PIEZO2: variants seen among roughly 807,000 people sequenced by gnomAD.
The protein encoded by PIEZO2 is piezo-type mechanosensitive ion channel component 2.
In PIEZO2, 172 loss-of-function variants were observed where a neutral mutation model predicts 337.3. That is an observed-to-expected ratio of 0.51 (90% CI 0.45 to 0.58). The LOEUF is 0.58. PIEZO2 is among the 20% of genes least tolerant of loss of function. The probability of loss-of-function intolerance (pLI) is 0.00; values close to 1 mark genes in which losing one functional copy is unlikely to be tolerated. For missense variants in PIEZO2, 3,028 were observed against 3,391.3 expected, an observed-to-expected ratio of 0.89 and a Z score of 2.66; for synonymous variants, 1,251 against 1,228.5, an observed-to-expected ratio of 1.02 and a Z score of -0.38.
At position 10,699,137 on chromosome 18, in the gene PIEZO2, C is replaced by A; in HGVS notation, c.6482G>T (p.Gly2161Val). The change falls in exon 44 of 56, where the codon GGC becomes GTC. Residue 2161 changes from glycine (G) to valine (V), a missense_variant. Transcript: ENST00000674853. ...LWDEDDMTES[G>V]MAREESDDEL... Reference sequence around the variant, plus strand: ...ATCATCTGATTCCTCCCTGGCCATGCCACTTTCAGTCATGTCATCTTCATC... The same window carrying A: ...ATCATCTGATTCCTCCCTGGCCATGACACTTTCAGTCATGTCATCTTCATC... 1 of 1,537,244 alleles carries A rather than the reference C, an allele frequency of 6.5e-7. No homozygotes were observed. Among genetic ancestry groups the A allele is most frequent in the Non-Finnish European group, 8.7e-7 (1 of 1,146,908 alleles).
chr18:11,136,660 A>G (rs2146262960), intron 1 of PIEZO2, among the ~76,000 whole-genome samples: 2 of 152,326 alleles, frequency 1.3e-5, no homozygotes, highest in East Asian at 3.9e-4. Context: ...GAGGAAGGAG[A>G]GGGGGTTGAA....
intron 7 of PIEZO2, among the ~76,000 whole-genome samples, chr18:10,816,193 T>C (rs548078355): frequency 3.6e-4 from 55 of 152,256 alleles, no homozygotes; most frequent in Middle Eastern, 6.8e-3. Context: ...CAGACCCACC[T>C]CCCATGCTGT....
intron 4 of PIEZO2, among the ~76,000 whole-genome samples, chr18:10,884,161 T>A (rs763758325): frequency 6.6e-6 from 1 of 152,200 alleles, no homozygotes; most frequent in Non-Finnish European, 1.5e-5. Flanking sequence ...CGTGATGATG[T>A]GATATTTGTC....
Position 11,048,883 on chromosome 18 carries a change from T to C in PIEZO2, c.160+17244A>G, listed in dbSNP as rs1166259073. Reference sequence around the variant, plus strand: ...ATCTGCACTTTTTGAAAGTTAAATATAAATTTTCATCTCAAAAGGCTATTT... The same window carrying C: ...ATCTGCACTTTTTGAAAGTTAAATACAAATTTTCATCTCAAAAGGCTATTT... On this transcript the variant is annotated intron_variant, in intron 2 of 55. Coordinates refer to ENST00000674853, the MANE Select transcript of PIEZO2 (RefSeq NM_001378183.1). This position sits in a 1 kb window ranked among gnomAD's most constrained non-coding sequence, Gnocchi z 4.5. Among the ~76,000 whole-genome samples the C allele has an allele frequency of 6.6e-6, 1 of 152,204 alleles. No homozygotes were observed. Among genetic ancestry groups the C allele is most frequent in the African/African-American group, 2.4e-5 (1 of 41,466 alleles).
In PIEZO2 at chr18:10,673,649, A is replaced by G. The variant is rs922266004; in HGVS notation, c.8162-776T>C. Among the ~76,000 whole-genome samples, 6 of 152,206 alleles carry G rather than the reference A, an allele frequency of 3.9e-5. No homozygotes were observed. Among genetic ancestry groups the G allele is most frequent in the Non-Finnish European group, 8.8e-5 (6 of 68,030 alleles). On this transcript the variant is annotated intron_variant, in intron 54 of 55. Transcript: ENST00000674853. The surrounding 1 kb of genome is among the most constrained non-coding windows in gnomAD (Gnocchi z 4.8). ...CAAAAGAGTTGTAAAAGATAGGGTA[A>G]AAAGCTTGTAGTGACATTGTATAGG...
At position 10,682,650 on chromosome 18, in the gene PIEZO2, A is replaced by T. The variant is rs2034318398; in HGVS notation, c.7498-358T>A. 6.6e-6 allele frequency among the ~76,000 whole-genome samples: 1 copy of T among 152,188 alleles called. No homozygotes were observed. The highest frequency in any genetic ancestry group is 1.5e-5 in the Non-Finnish European group (1 of 68,046). On this transcript the variant is annotated intron_variant, in intron 49 of 55. Transcript: ENST00000674853. This position sits in a 1 kb window ranked among gnomAD's most constrained non-coding sequence, Gnocchi z 5.6. The stretch of plus-strand genomic sequence containing the variant: ...ATGAACCTTCTGGTTTTAAGGGATT[A>T]TGTGAGAGAAAGATACTTTACTTTC...
intron 53 of PIEZO2, among the ~76,000 whole-genome samples, chr18:10,675,739 G>T (rs1380912585): frequency 6.6e-6 from 1 of 152,100 alleles, no homozygotes; most frequent in Non-Finnish European, 1.5e-5. Context: ...TGTAGCTCCC[G>T]TAATCCCCAC....
At chr18:10,818,973 T>C (rs1217293748) in intron 7 of PIEZO2, among the ~76,000 whole-genome samples, 1 of 152,218 alleles carries the variant, frequency 6.6e-6, no homozygotes, top group Non-Finnish European at 1.5e-5. Flanking sequence ...GTAAGTCTAT[T>C]GGCCATTTAT....
At chr18:10,734,774 A>G (rs1236459552) in intron 35 of PIEZO2, among the ~76,000 whole-genome samples, 1 of 152,198 alleles carries the variant, frequency 6.6e-6, no homozygotes. Flanking sequence ...CCGAGTGCAG[A>G]AACTGGAAGA....
chr18:11,106,614 A>G lies in PIEZO2; in HGVS notation c.65-40392T>C, dbSNP rs28695753. Among the ~76,000 whole-genome samples the G allele has an allele frequency of 1.7e-3, 252 of 151,622 alleles. 1 individual carries two copies. Among genetic ancestry groups the G allele is most frequent in the African/African-American group, 5.8e-3 (239 of 41,284 alleles). On this transcript the variant is annotated intron_variant, in intron 1 of 55. Coordinates refer to ENST00000674853, the MANE Select transcript of PIEZO2 (RefSeq NM_001378183.1). ...TTTTTAGTAAAGAAGAGGTCTCATTATGGTGCCCAGGCTGATCTCCAACTC... is the reference window on the plus strand; with the variant it reads ...TTTTTAGTAAAGAAGAGGTCTCATTGTGGTGCCCAGGCTGATCTCCAACTC...
intron 1 of PIEZO2, among the ~76,000 whole-genome samples, chr18:11,101,000 C>T (rs2039405631): frequency 6.6e-6 from 1 of 152,166 alleles, no homozygotes; most frequent in Non-Finnish European, 1.5e-5. Context: ...ATAGTTAACT[C>T]AAGGAATTCA....
At chr18:10,999,284 T>G (rs771285262) in intron 2 of PIEZO2, among the ~76,000 whole-genome samples, 10 of 152,132 alleles carry the variant, frequency 6.6e-5, no homozygotes, top group Non-Finnish European at 1.3e-4. Flanking sequence ...CTTCTTCAGC[T>G]CACCTCCAAG....
At chr18:10,710,613 TC>T (rs1252240629) in intron 39 of PIEZO2, among the ~76,000 whole-genome samples, 2 of 152,212 alleles carry the variant, frequency 1.3e-5, no homozygotes, top group African/African-American at 4.8e-5. Context: ...CTTGTTAGGA[TC>T]CCACCCAGAC....
intron 2 of PIEZO2, among the ~76,000 whole-genome samples, chr18:11,051,370 G>GTGTGTGTGTGTGTGT (rs1568330522): frequency 7.2e-5 from 7 of 97,316 alleles, no homozygotes; most frequent in East Asian, 4.4e-4. Context: ...TGTGTGTGTG[G>GTGTGTGTGTGTGTGT]GTGTGGGTGT....
At position 10,707,278 on chromosome 18, in the gene PIEZO2, C is replaced by T. The variant is rs899352169; in HGVS notation, c.5588+997G>A. Among the ~76,000 whole-genome samples, 2 of 152,182 alleles carry T rather than the reference C, an allele frequency of 1.3e-5. No homozygotes were observed. The highest frequency in any genetic ancestry group is 2.9e-5 in the Non-Finnish European group (2 of 68,034). ...CTGTCATCAGTCCTAATCATGCTCC[C>T]TTTGGTTTGGATCTCTTGTAGCACC... is the stretch of plus-strand genomic sequence containing the variant. On this transcript the variant is annotated intron_variant, in intron 40 of 55. Coordinates refer to ENST00000674853, the MANE Select transcript of PIEZO2 (RefSeq NM_001378183.1). This position sits in a 1 kb window ranked among gnomAD's most constrained non-coding sequence, Gnocchi z 4.2.
intron 37 of PIEZO2, among the ~76,000 whole-genome samples, chr18:10,717,525 G>A (rs909692600): frequency 1.3e-5 from 2 of 152,236 alleles, no homozygotes; most frequent in African/African-American, 4.8e-5. Flanking sequence ...CAAAGCAGAC[G>A]AAGAAATGGC....
chr18:10,755,277 A>G (rs559912407), intron 27 of PIEZO2, among the ~76,000 whole-genome samples: 2 of 152,288 alleles, frequency 1.3e-5, no homozygotes, highest in African/African-American at 2.4e-5. Context: ...TCAGTGACCT[A>G]TCTCCACATG....
intron 1 of PIEZO2, among the ~76,000 whole-genome samples, chr18:11,075,906 A>G (rs1410982669): frequency 6.8e-6 from 1 of 148,088 alleles, no homozygotes; most frequent in Non-Finnish European, 1.5e-5. Flanking sequence ...CTCCTGCCTC[A>G]GCCTCCCGAG....
rs572929581 is a variant in PIEZO2 at position 11,112,507 on chromosome 18, C to T, written c.64+36018G>A. ...CTGAGAGTCAAGTCTCCAAATTTTA[C>T]ACTGACTGATGAGTCTTCTGTACAT... On this transcript the variant is annotated intron_variant, in intron 1 of 55. Transcript: ENST00000674853. The surrounding 1 kb of genome is among the most constrained non-coding windows in gnomAD (Gnocchi z 4.3). 5.3e-5 allele frequency among the ~76,000 whole-genome samples: 8 copies of T among 152,308 alleles called. No homozygotes were observed. In the East Asian group the frequency reaches 1.4e-3, roughly 26 times the overall value.
Sources: gnomAD v4.1 joint callset for allele counts (sites outside exome capture counted in the v4.1 genomes callset) on GRCh38, gnomAD v4.1.1 for gene constraint, Gnocchi (gnomAD v3.1) non-coding constraint, MANE v1.5 for transcripts, NCBI Gene and HGNC (gene_info 2026-07-23, HGNC 2026-07-21) for gene names.